The following NALCN variants were observed in gnomAD, a reference collection of about 807,000 sequenced individuals.
The protein encoded by NALCN is sodium leak channel NALCN.
A neutral mutation model predicts 225.3 loss-of-function variants in NALCN; 111 were observed. That is an observed-to-expected ratio of 0.49 (90% CI 0.42 to 0.58). The LOEUF (loss-of-function observed/expected upper bound fraction) is 0.58, where lower values mean the gene tolerates loss of function less well. NALCN is among the 20% of genes least tolerant of loss of function. The pLI, the probability that NALCN is intolerant of heterozygous loss-of-function variation, is 0.00. For missense variants in NALCN, 1,378 were observed against 2,202.4 expected (o/e 0.63, Z 7.49); for synonymous variants, 764 against 769.0 (o/e 0.99, Z 0.11).
intron 10 of NALCN, among the ~76,000 whole-genome samples, chr13:101,274,777 A>G (rs1198054363): frequency 6.6e-6 from 1 of 152,204 alleles, no homozygotes; most frequent in East Asian, 1.9e-4. Flanking sequence ...AGACTGTAAT[A>G]GCCTATTTTT....
chr13:101,062,968 T>C (rs2032080496), intron 40 of NALCN, among the ~76,000 whole-genome samples: 1 of 152,152 alleles, frequency 6.6e-6, no homozygotes, highest in South Asian at 2.1e-4. Flanking sequence ...ATTTAACCCT[T>C]GACACACAGC....
chr13:101,061,327 T>C (rs2031918333), intron 41 of NALCN, among the ~76,000 whole-genome samples: 1 of 152,104 alleles, frequency 6.6e-6, no homozygotes, highest in Non-Finnish European at 1.5e-5. Context: ...ATGTGGAAAA[T>C]TCTAGAATTT....
chr13:101,256,696 C>T (rs547664492), intron 11 of NALCN, among the ~76,000 whole-genome samples: 266 of 151,980 alleles, frequency 1.8e-3, no homozygotes, highest in Admixed American at 4.9e-3. Context: ...GATGAGGCTT[C>T]CTTCATTGTT....
At chr13:101,121,633 G>C (rs183692417) in intron 18 of NALCN, among the ~76,000 whole-genome samples, 1 of 152,236 alleles carries the variant, frequency 6.6e-6, no homozygotes, top group East Asian at 1.9e-4. Flanking sequence ...CACTAAAACG[G>C]CAGTCTCTTC....
At chr13:101,238,930 T>C (rs2041662123) in intron 11 of NALCN, among the ~76,000 whole-genome samples, 1 of 151,984 alleles carries the variant, frequency 6.6e-6, no homozygotes, top group Non-Finnish European at 1.5e-5. Flanking sequence ...TTAATTTAGA[T>C]GTGAAGAGGA....
chr13:101,240,030 C>CAAA (rs2140162458), intron 11 of NALCN, among the ~76,000 whole-genome samples: 1 of 152,016 alleles, frequency 6.6e-6, no homozygotes, highest in African/African-American at 2.4e-5. Context: ...GTTCCTTATG[C>CAAA]GTTTTGGGAG....
At chr13:101,200,028 A>G (rs2040054410) in intron 13 of NALCN, among the ~76,000 whole-genome samples, 2 of 151,788 alleles carry the variant, frequency 1.3e-5, no homozygotes, top group African/African-American at 4.8e-5. Context: ...ATATCTCAAT[A>G]CTCACTACCT....
chr13:101,102,420 A>G (rs1187642191), intron 26 of NALCN, among the ~76,000 whole-genome samples: 1 of 152,246 alleles, frequency 6.6e-6, no homozygotes, highest in Non-Finnish European at 1.5e-5. Context: ...GCAAGATACA[A>G]AACAAGCCTA....
intron 9 of NALCN, among the ~76,000 whole-genome samples, chr13:101,290,247 C>G (rs1024421992): frequency 2.0e-5 from 3 of 152,092 alleles, no homozygotes; most frequent in Admixed American, 2.0e-4. Context: ...TTTTTTCCAG[C>G]TGTGATTTTA....
intron 11 of NALCN, among the ~76,000 whole-genome samples, chr13:101,253,642 A>C (rs932229506): frequency 2.0e-5 from 3 of 149,840 alleles, no homozygotes; most frequent in African/African-American, 7.6e-5. Context: ...AAATGTTATT[A>C]TTTATTTGTA....
intron 1 of NALCN, among the ~76,000 whole-genome samples, chr13:101,415,025 T>C (rs1471912953): frequency 1.4e-5 from 2 of 147,544 alleles, no homozygotes; most frequent in Non-Finnish European, 2.9e-5. Flanking sequence ...AGGGAGTAAA[T>C]GTTTCTCGTT....
At chr13:101,152,156 C>T (rs1444853469) in intron 15 of NALCN, among the ~76,000 whole-genome samples, 1 of 152,156 alleles carries the variant, frequency 6.6e-6, no homozygotes, top group Non-Finnish European at 1.5e-5. Flanking sequence ...AATTGGAGGG[C>T]TCATTTCTTG....
intron 40 of NALCN, 45 bp downstream of exon 40, chr13:101,065,359 G>A: frequency 6.2e-7 from 1 of 1,605,132 alleles, no homozygotes; most frequent in South Asian, 1.1e-5. Flanking sequence ...GCTGACAGCT[G>A]TGGTTTCTGG....
chr13:101,182,937 T>A (rs2039299170), intron 14 of NALCN, among the ~76,000 whole-genome samples: 2 of 152,206 alleles, frequency 1.3e-5, no homozygotes, highest in African/African-American at 2.4e-5. Flanking sequence ...ATATTTAATT[T>A]ATGTTATCAA....
chr13:101,273,778 G>C (rs183383993), intron 10 of NALCN, among the ~76,000 whole-genome samples: 2 of 151,520 alleles, frequency 1.3e-5, no homozygotes, highest in Non-Finnish European at 2.9e-5. Flanking sequence ...CCAGCAACTC[G>C]GGAGGCTGGG....
intron 17 of NALCN, among the ~76,000 whole-genome samples, chr13:101,138,730 G>C (rs533300523): frequency 6.6e-6 from 1 of 152,184 alleles, no homozygotes; most frequent in Non-Finnish European, 1.5e-5. Context: ...GTCTCACTTC[G>C]GAGAACAGAG....
At chr13:101,068,104 A>G in intron 38 of NALCN, 71 bp from the exon 39 acceptor site, 2 of 916,260 alleles carry the variant, frequency 2.2e-6, no homozygotes, top group Non-Finnish European at 3.3e-6. Flanking sequence ...AGAGTAAAAC[A>G]TCTATTATTA....
intron 7 of NALCN, among the ~76,000 whole-genome samples, chr13:101,327,200 G>T (rs758223997): frequency 4.0e-4 from 61 of 152,048 alleles, no homozygotes; most frequent in Middle Eastern, 3.4e-3. Context: ...GTAATCAGTG[G>T]GTTATTTAAA....
intron 6 of NALCN, among the ~76,000 whole-genome samples, chr13:101,369,774 T>C (rs1275882637): frequency 6.6e-6 from 1 of 152,140 alleles, no homozygotes; most frequent in African/African-American, 2.4e-5. Flanking sequence ...CTAGGCATAT[T>C]CTACAGCCTA....
Sources: allele counts gnomAD v4.1 joint callset (sites outside exome capture counted in the v4.1 genomes callset), GRCh38; gene constraint gnomAD v4.1.1; transcripts MANE v1.5; gene names NCBI Gene and HGNC (gene_info 2026-07-23, HGNC 2026-07-21).